Variants in C1QTNF8 observed in about 807,000 individuals in gnomAD.
The protein encoded by C1QTNF8 is complement C1q tumor necrosis factor-related protein 8.
Under a neutral mutation model 19.2 loss-of-function variants are expected in C1QTNF8, and 27 were observed. The observed-to-expected ratio is 1.41, with a 90% confidence interval of 1.04 to 1.94. The LOEUF (loss-of-function observed/expected upper bound fraction) is 1.94, where lower values mean the gene tolerates loss of function less well. Among genes scored for constraint, C1QTNF8 ranks in the 30% most tolerant of loss-of-function variants. C1QTNF8 has a pLI of 0.00. For missense variants in C1QTNF8, 484 were observed against 374.4 expected, an observed-to-expected ratio of 1.29 and a Z score of -2.42; for synonymous variants, 208 against 172.8, an observed-to-expected ratio of 1.20 and a Z score of -1.60.
Position 1,093,980 on chromosome 16 carries a change from C to G in C1QTNF8, c.280G>C (p.Gly94Arg). 1 of 1,467,540 alleles carries G rather than the reference C, an allele frequency of 6.8e-7. No homozygotes were observed. The highest frequency in any genetic ancestry group is 8.9e-7 in the Non-Finnish European group (1 of 1,125,094). The allele number at this position is 1,467,540 out of a possible 1,614,324, so 90.9% of individuals were successfully genotyped here. The change falls in exon 4 of 5, where the codon GGC becomes CGC. Residue 94 changes from glycine to arginine, a missense_variant. Gly to Arg is a moderately radical substitution (Grantham distance 125, BLOSUM62 -2). Transcript: ENST00000328449. ...TTCTGGCCTCTGCGGCCCTGCAGGC[C>G]CCGGGCGCCTGGCGGCCCCTCTTTC... ...SGKEGPPGAR[G>R]LQGRRGQKGQ... is the part of the protein sequence containing the mutation.
Position 1,094,752 on chromosome 16 carries a change from A to C in C1QTNF8, c.171T>G (p.Pro57=), listed in dbSNP as rs1466255868. The C allele has an allele frequency of 1.3e-6, 2 of 1,562,032 alleles. No individual in the cohort carries two copies. The highest frequency in any genetic ancestry group is 5.0e-5 in the East Asian group (2 of 40,088). ...LWRGDLWRGL[P]RVRPTIDIEI... ...CGATGTCTATAGTGGGCCGTACTCGAGGCAGCCCCCTCCACAGGTCCCCCC... is the reference window on the plus strand; with the variant it reads ...CGATGTCTATAGTGGGCCGTACTCGCGGCAGCCCCCTCCACAGGTCCCCCC... Residue 57 remains proline, a synonymous_variant, in exon 3 of 5, where the codon CCT becomes CCG. Transcript: ENST00000328449.
chr16:1,092,012 A>G (rs923669602), intron 4 of C1QTNF8, among the ~76,000 whole-genome samples: 11 of 152,216 alleles, frequency 7.2e-5, no homozygotes, highest in African/African-American at 2.7e-4. Context: ...AGCTTTTATA[A>G]GCAGAATGGC....
rs183067593 is a variant in C1QTNF8 at position 1,089,491 on chromosome 16, G to A, written c.*1108C>T. Among the ~76,000 whole-genome samples the A allele has an allele frequency of 6.1e-3, 927 of 152,262 alleles. 11 individuals are homozygous for A. Among genetic ancestry groups the A allele is most frequent in the African/African-American group, 0.02 (844 of 41,560 alleles). ...CCCTCACAGCTGCTCTGGGGTCCCC[G>A]ACAGAGGCCTTTGCGCACCCCCTGC... On this transcript the variant is annotated 3_prime_UTR_variant, in exon 5 of 5. Transcript: ENST00000328449.
chr16:1,093,370 G>GGCCCCCCCCCCCCCCCCCCCCCCCCC, intron 4 of C1QTNF8, 127 bp downstream of exon 4: 1 of 417,556 alleles, frequency 2.4e-6, no homozygotes. Context: ...AAGCTCCGCT[G>GGCCCCCCCCCCCCCCCCCCCCCCCCC]CCCGCCCACC....
At chr16:1,095,368 T>G (rs1470880381) in intron 2 of C1QTNF8, among the ~76,000 whole-genome samples, 1 of 152,156 alleles carries the variant, frequency 6.6e-6, no homozygotes, top group Non-Finnish European at 1.5e-5. Context: ...TGGGGGGCCC[T>G]GCACAGTGCA....
rs949914533 is a variant in C1QTNF8, at chr16:1,089,112, G to T, written c.*1487C>A. ...CGGGCCAGGGCCAGGGCCAGGGAAA[G>T]GAACGGTTGTCTGGGATTCTGGGGT... is the stretch of plus-strand genomic sequence containing the variant. On this transcript the variant is annotated 3_prime_UTR_variant, in exon 5 of 5. Transcript: ENST00000328449. Among the ~76,000 whole-genome samples the T allele has an allele frequency of 1.3e-5, 2 of 152,182 alleles. No individual in the cohort carries two copies. The highest frequency in any genetic ancestry group is 4.8e-5 in the African/African-American group (2 of 41,436).
intron 3 of C1QTNF8, 21 bp downstream of exon 3, chr16:1,094,694 G>T: frequency 1.3e-6 from 2 of 1,589,940 alleles, no homozygotes; most frequent in Non-Finnish European, 1.7e-6. Flanking sequence ...GGAGCATGCA[G>T]GCAGCACCCA....
At chr16:1,090,918 G>A (rs950517975) in intron 4 of C1QTNF8, among the ~76,000 whole-genome samples, 1 of 152,210 alleles carries the variant, frequency 6.6e-6, no homozygotes, top group South Asian at 2.1e-4. Context: ...GCTGCAGCCC[G>A]TGCCCTCCTA....
chr16:1,094,716 T>C lies in C1QTNF8; in HGVS notation c.207A>G (p.Lys69=). ...GCAGGCAGCACCCACGGGCCTCACC[T>C]TTGAGGATTTCGATGTCTATAGTGG... ...VRPTIDIEIL[K]GEKGEAGVRG... The change falls in exon 3 of 5, where the codon AAA becomes AAG. Residue 69 remains lysine, a splice_region_variant and synonymous_variant. Coordinates refer to ENST00000328449, the MANE Select transcript of C1QTNF8 (RefSeq NM_207419.3). 1 of 1,592,684 alleles carries C rather than the reference T, an allele frequency of 6.3e-7. No individual in the cohort carries two copies. Among genetic ancestry groups the C allele is most frequent in the East Asian group, 2.4e-5 (1 of 41,950 alleles).
At position 1,088,638 on chromosome 16, in the gene C1QTNF8, G is replaced by A. The variant is rs559043616; in HGVS notation, c.*1961C>T. Among the ~76,000 whole-genome samples the A allele has an allele frequency of 1.9e-4, 29 of 152,284 alleles. No homozygotes were observed. Among genetic ancestry groups the A allele is most frequent in the African/African-American group, 3.9e-4 (16 of 41,542 alleles). On this transcript the variant is annotated 3_prime_UTR_variant, in exon 5 of 5. Transcript: ENST00000328449. The stretch of plus-strand genomic sequence containing the variant: ...CATTGTTTTTTAAACAAATAAACCT[G>A]GAAGGTTGGCGGGATGCAGGTCCTG...
At position 1,089,741 on chromosome 16, in the gene C1QTNF8, G is replaced by C. The variant is rs980110550; in HGVS notation, c.*858C>G. On this transcript the variant is annotated 3_prime_UTR_variant, in exon 5 of 5. Coordinates refer to ENST00000328449, the MANE Select transcript of C1QTNF8 (RefSeq NM_207419.3). ...CTCCTGGCACCTCTTAGCGCCACCG[G>C]CCGTCAGCACACGGGGTAGGGCTGG... Among the ~76,000 whole-genome samples, 1 of 152,218 alleles carries C rather than the reference G, an allele frequency of 6.6e-6. No homozygotes were observed. The highest frequency in any genetic ancestry group is 1.5e-5 in the Non-Finnish European group (1 of 68,038).
At chr16:1,093,371 C>A in intron 4 of C1QTNF8, 126 bp downstream of exon 4, 1 of 323,328 alleles carries the variant, frequency 3.1e-6, no homozygotes, top group Non-Finnish European at 5.9e-6. Flanking sequence ...AGCTCCGCTG[C>A]CCGCCCACCC....
At chr16:1,091,160 G>T (rs566353524) in intron 4 of C1QTNF8, among the ~76,000 whole-genome samples, 1 of 152,158 alleles carries the variant, frequency 6.6e-6, no homozygotes, top group Non-Finnish European at 1.5e-5. Context: ...TCAAGGGGCC[G>T]TGGGGGCACC....
At chr16:1,096,109 G>C (rs7187586) in intron 1 of C1QTNF8, 47 bp downstream of exon 1, 69,896 of 152,060 alleles carry the variant, frequency 0.46, 16,635 homozygotes, top group African/African-American at 0.56. Flanking sequence ...CCCACAACCA[G>C]CCCCAGGCCC....
rs545085874 is a variant in C1QTNF8, at chr16:1,093,986, C to G, written c.274G>C (p.Ala92Pro). 21 of 1,468,692 alleles carry G rather than the reference C, an allele frequency of 1.4e-5. No individual in the cohort carries two copies. Among genetic ancestry groups the G allele is most frequent in the Non-Finnish European group, 1.9e-5 (21 of 1,126,094 alleles). The allele number at this position is 1,468,692 out of a possible 1,614,324, so 91.0% of individuals were successfully genotyped here. A position where few individuals can be genotyped will look rare whatever the true frequency, so the allele number is the denominator to read the frequency against. The change falls in exon 4 of 5, where the codon GCC (alanine) becomes CCC (proline). Residue 92 changes from alanine (A) to proline (P), a missense_variant. Physicochemically the swap from Ala to Pro is conservative, Grantham distance 27 (BLOSUM62 -1). Coordinates refer to ENST00000328449, the MANE Select transcript of C1QTNF8 (RefSeq NM_207419.3). ...GRSGKEGPPG[A>P]RGLQGRRGQK... ...CCTCTGCGGCCCTGCAGGCCCCGGG[C>G]GCCTGGCGGCCCCTCTTTCCCGCTC...
chr16:1,091,649 C>T (rs1220767247), intron 4 of C1QTNF8, among the ~76,000 whole-genome samples: 1 of 152,172 alleles, frequency 6.6e-6, no homozygotes, highest in Non-Finnish European at 1.5e-5. Flanking sequence ...ACCTGACTTT[C>T]ATCCCTGTCT....
rs1239931058 is a variant in C1QTNF8 at position 1,088,816 on chromosome 16, C to A, written c.*1783G>T. Among the ~76,000 whole-genome samples, 1 of 152,310 alleles carries A rather than the reference C, an allele frequency of 6.6e-6. No individual in the cohort carries two copies. Among genetic ancestry groups the A allele is most frequent in the East Asian group, 1.9e-4 (1 of 5,170 alleles). ...GCAGCCCGACCCCTGCCCGCCTGAC[C>A]CCTGCTGCTTCTTAGTATCCGCAGC... is the stretch of plus-strand genomic sequence containing the variant. On this transcript the variant is annotated 3_prime_UTR_variant, in exon 5 of 5. Coordinates refer to ENST00000328449, the MANE Select transcript of C1QTNF8 (RefSeq NM_207419.3).
At chr16:1,092,119 C>T (rs1314994143) in intron 4 of C1QTNF8, among the ~76,000 whole-genome samples, 5 of 152,226 alleles carry the variant, frequency 3.3e-5, no homozygotes, top group Non-Finnish European at 5.9e-5. Flanking sequence ...CTACGCCCAC[C>T]GCACACCCAG....
At chr16:1,093,386 ACACCCACACC>A (rs1275750844) in intron 4 of C1QTNF8, 101 bp downstream of exon 4, 2 of 129,496 alleles carry the variant, frequency 1.5e-5, no homozygotes, top group African/African-American at 9.1e-5. Context: ...CCACCCCACC[ACACCCACACC>A]CACCCACACA....
Sources: gnomAD v4.1 joint callset for allele counts (sites outside exome capture counted in the v4.1 genomes callset) on GRCh38, gnomAD v4.1.1 for gene constraint, MANE v1.5 for transcripts, NCBI Gene and HGNC (gene_info 2026-07-23, HGNC 2026-07-21) for gene names.